Variants in STX8 observed in about 807,000 individuals in gnomAD.
The protein encoded by STX8 is syntaxin-8.
In STX8, 23 loss-of-function variants were observed where a neutral mutation model predicts 37.5. The observed-to-expected ratio is 0.61, with a 90% CI of 0.44 to 0.87. The LOEUF (loss-of-function observed/expected upper bound fraction) is 0.87. STX8 is among the 40% of genes least tolerant of loss of function. The probability of loss-of-function intolerance (pLI) is 0.00; values close to 1 mark genes in which losing one functional copy is unlikely to be tolerated. For synonymous variants in STX8, 115 were observed against 99.1 expected, an observed-to-expected ratio of 1.16 and a Z score of -0.95; for missense variants, 313 against 284.7, an observed-to-expected ratio of 1.10 and a Z score of -0.71.
chr17:9,388,396 T>C lies in STX8; in HGVS notation c.542-9743A>G, dbSNP rs954948943. ...CTAAACAACTCTACTTTTTAAGTTATAAAAATTATTCAATAGCAGTTTATA... is the reference window on the plus strand; with the variant it reads ...CTAAACAACTCTACTTTTTAAGTTACAAAAATTATTCAATAGCAGTTTATA... On this transcript the variant is annotated intron_variant, in intron 6 of 7. Coordinates refer to ENST00000306357, the MANE Select transcript of STX8 (RefSeq NM_004853.3). Among the ~76,000 whole-genome samples the C allele has an allele frequency of 5.3e-5, 8 of 152,004 alleles. No homozygotes were observed. The East Asian group carries it at 1.6e-3, about 30-fold the overall frequency.
chr17:9,376,738 C>T (rs1361511985), intron 7 of STX8, among the ~76,000 whole-genome samples: 5 of 152,202 alleles, frequency 3.3e-5, no homozygotes, highest in Admixed American at 6.5e-5. Flanking sequence ...GAAGAAATTC[C>T]GGACACATCT....
intron 7 of STX8, among the ~76,000 whole-genome samples, chr17:9,251,556 A>C (rs1906578521): frequency 6.6e-6 from 1 of 152,212 alleles, no homozygotes; most frequent in Non-Finnish European, 1.5e-5. Context: ...GTAGCAGAGG[A>C]GGAGAGGTCC....
At chr17:9,339,679 C>T (rs1895798505) in intron 7 of STX8, among the ~76,000 whole-genome samples, 1 of 152,076 alleles carries the variant, frequency 6.6e-6, no homozygotes, top group Admixed American at 6.6e-5. Flanking sequence ...AAGGACTCCT[C>T]ATTCCTGCTG....
chr17:9,378,230 G>A (rs1194342530), intron 7 of STX8: 1 of 212,488 alleles, frequency 4.7e-6, no homozygotes, highest in Non-Finnish European at 9.5e-6. Flanking sequence ...ACAAAAGCAA[G>A]TGAGATCCCC....
At chr17:9,574,659 C>T (rs1702261710) in intron 1 of STX8, among the ~76,000 whole-genome samples, 1 of 151,908 alleles carries the variant, frequency 6.6e-6, no homozygotes, top group African/African-American at 2.4e-5. Flanking sequence ...CTCAGTCTCC[C>T]GAGTAGCTGG....
At chr17:9,520,181 T>C (rs908793334) in intron 4 of STX8, among the ~76,000 whole-genome samples, 2 of 152,234 alleles carry the variant, frequency 1.3e-5, no homozygotes, top group Non-Finnish European at 2.9e-5. Flanking sequence ...GCTCTCTTTC[T>C]TAAAAACAAA....
intron 7 of STX8, among the ~76,000 whole-genome samples, chr17:9,256,482 A>G (rs1225156195): frequency 6.6e-6 from 1 of 152,218 alleles, no homozygotes; most frequent in Non-Finnish European, 1.5e-5. Context: ...AACAGTGATG[A>G]GCCCATCCGT....
chr17:9,501,506 C>G (rs1294143581), intron 5 of STX8, among the ~76,000 whole-genome samples: 1 of 151,994 alleles, frequency 6.6e-6, no homozygotes, highest in Non-Finnish European at 1.5e-5. Flanking sequence ...GCCTGGCCAA[C>G]ATGGAGAAAC....
At position 9,404,982 on chromosome 17, in the gene STX8, A is replaced by AT. The variant is rs113556947; in HGVS notation, c.542-26330dup. 5.9e-4 allele frequency among the ~76,000 whole-genome samples: 86 copies of AT among 146,650 alleles called. 1 individual carries two copies. Among genetic ancestry groups the AT allele is most frequent in the African/African-American group, 1.2e-3 (48 of 39,982 alleles). On this transcript the variant is annotated intron_variant, in intron 6 of 7. Transcript: ENST00000306357. ...CCTTCAACCTCCACCCACATCCCCA[A>AT]TTTTTTTTTTTGGCCTCTCCACAGT...
At chr17:9,296,668 G>GCC (rs1189091157) in intron 7 of STX8, among the ~76,000 whole-genome samples, 1 of 150,890 alleles carries the variant, frequency 6.6e-6, no homozygotes, top group Non-Finnish European at 1.5e-5. Context: ...TTTCTAGATA[G>GCC]CGAAGACATG....
intron 7 of STX8, among the ~76,000 whole-genome samples, chr17:9,368,595 G>A (rs969188364): frequency 6.6e-6 from 1 of 152,068 alleles, no homozygotes; most frequent in African/African-American, 2.4e-5. Flanking sequence ...GTGACCACGT[G>A]CCCCTCCACA....
chr17:9,546,498 G>C (rs1476902509), intron 3 of STX8, among the ~76,000 whole-genome samples: 1 of 151,754 alleles, frequency 6.6e-6, no homozygotes. Context: ...GAAGCAAAAA[G>C]GGAAGTGGCG....
chr17:9,454,987 G>A (rs374403007), intron 6 of STX8, among the ~76,000 whole-genome samples: 23 of 152,056 alleles, frequency 1.5e-4, no homozygotes, highest in Non-Finnish European at 1.9e-4. Flanking sequence ...AGGTCAAGGC[G>A]GGAGCATCAC....
chr17:9,471,030 G>GTTTTTTTT (rs1567574843), intron 6 of STX8, among the ~76,000 whole-genome samples: 3 of 35,528 alleles, frequency 8.4e-5, no homozygotes, highest in Non-Finnish European at 1.8e-4. Context: ...ACTGCATCCT[G>GTTTTTTTT]CTTTTTTTTT....
At chr17:9,380,709 CTT>C (rs776433325) in intron 6 of STX8, among the ~76,000 whole-genome samples, 25 of 98,520 alleles carry the variant, frequency 2.5e-4, no homozygotes, top group South Asian at 7.8e-4. Flanking sequence ...GATACAGAAA[CTT>C]TTTTTTTTTT....
At chr17:9,462,539 TG>T (rs928260327) in intron 6 of STX8, among the ~76,000 whole-genome samples, 15 of 152,234 alleles carry the variant, frequency 9.9e-5, no homozygotes, top group African/African-American at 3.6e-4. Flanking sequence ...CTGGCCAACG[TG>T]GTGAAACCCT....
At chr17:9,485,544 T>C (rs1358311600) in intron 6 of STX8, among the ~76,000 whole-genome samples, 2 of 151,996 alleles carry the variant, frequency 1.3e-5, no homozygotes, top group Non-Finnish European at 2.9e-5. Context: ...CTAGGAAACT[T>C]AGAGGATTGA....
chr17:9,535,634 G>A (rs59433574), intron 4 of STX8, among the ~76,000 whole-genome samples: 1,919 of 151,604 alleles, frequency 0.013, 35 homozygotes, highest in African/African-American at 0.043. Flanking sequence ...GGGTTTCACC[G>A]TGTTAGCCAG....
At chr17:9,274,678 AAAT>A (rs57248368) in intron 7 of STX8, among the ~76,000 whole-genome samples, 1,800 of 106,650 alleles carry the variant, frequency 0.017, 105 homozygotes, top group Middle Eastern at 0.045. Context: ...TCTGTCTCAA[AAAT>A]AATAATAATA....
Sources: allele counts gnomAD v4.1 joint callset (sites outside exome capture counted in the v4.1 genomes callset), GRCh38; gene constraint gnomAD v4.1.1; transcripts MANE v1.5; gene names NCBI Gene and HGNC (gene_info 2026-07-23, HGNC 2026-07-21).